COPA: variants seen among roughly 807,000 people sequenced by gnomAD.
COPA encodes the protein coatomer subunit alpha.
In COPA, 10 loss-of-function variants were observed where a neutral mutation model predicts 158.7. The ratio of observed to expected loss-of-function variants is 0.06; its 90% CI spans 0.04 to 0.11. COPA has a LOEUF of 0.11. COPA is among the 10% of genes least tolerant of loss of function. COPA has a pLI of 1.00. For synonymous variants in COPA, 462 were observed against 542.8 expected, an observed-to-expected ratio of 0.85 and a Z score of 2.07; for missense variants, 1,065 against 1,536.7, an observed-to-expected ratio of 0.69 and a Z score of 5.13.
rs765795396 is a variant in COPA at position 160,294,476 on chromosome 1, C to G, written c.2676+8G>C. On this transcript the variant is annotated splice_region_variant and intron_variant, in intron 25 of 32. Transcript: ENST00000241704. ...AGAGAACCTTCTAAGGGTACAAATTCCACATACCAGCTCAGGAGGGAGCTC... is the reference window on the plus strand; with the variant it reads ...AGAGAACCTTCTAAGGGTACAAATTGCACATACCAGCTCAGGAGGGAGCTC... 6.2e-7 allele frequency: 1 copy of G among 1,612,704 alleles called. No homozygotes were observed. Among genetic ancestry groups the G allele is most frequent in the Non-Finnish European group, 8.5e-7 (1 of 1,178,872 alleles).
chr1:160,303,095 C>A (rs546220857), intron 17 of COPA, among the ~76,000 whole-genome samples: 140 of 152,054 alleles, frequency 9.2e-4, no homozygotes, highest in African/African-American at 3.3e-3. Flanking sequence ...ATCACTTGAA[C>A]CTGGGAGACA....
intron 6 of COPA, among the ~76,000 whole-genome samples, chr1:160,326,834 C>A (rs1557873000): frequency 6.6e-6 from 1 of 152,256 alleles, no homozygotes; most frequent in East Asian, 1.9e-4. Context: ...GCTAGTTTTA[C>A]TGGGAGGAAT....
chr1:160,340,305 T>A lies in COPA; in HGVS notation c.41-11A>T, dbSNP rs530698139. ...GGTGAAAGCTGAGCCCTGAAAAAAA[T>A]AGAAAATGATACAATGAGCTAACTA... On this transcript the variant is annotated splice_polypyrimidine_tract_variant and intron_variant, in intron 1 of 32. Coordinates refer to ENST00000241704, the MANE Select transcript of COPA (RefSeq NM_004371.4). 2 of 1,559,578 alleles carry A rather than the reference T, an allele frequency of 1.3e-6. No homozygotes were observed. Among genetic ancestry groups the A allele is most frequent in the Non-Finnish European group, 1.8e-6 (2 of 1,133,074 alleles).
chr1:160,299,046 A>G, intron 18 of COPA, 55 bp from the exon 19 acceptor site: 1 of 1,573,060 alleles, frequency 6.4e-7, no homozygotes, highest in Non-Finnish European at 8.7e-7. Context: ...CAGGAAAAGA[A>G]AAAAAAAAAG....
chr1:160,299,463 T>C (rs1401559488), intron 17 of COPA, among the ~76,000 whole-genome samples, 199 bp from the exon 18 acceptor site: 1 of 152,214 alleles, frequency 6.6e-6, no homozygotes, highest in Non-Finnish European at 1.5e-5. Flanking sequence ...ACGATCTTTA[T>C]ATGCTATTAT....
chr1:160,304,703 A>G (rs1313210042), intron 17 of COPA, among the ~76,000 whole-genome samples: 3 of 152,180 alleles, frequency 2.0e-5, no homozygotes, highest in Non-Finnish European at 2.9e-5. Context: ...ATGTGAAGAT[A>G]TGCATAATCC....
At chr1:160,339,715 TC>T in intron 3 of COPA, 193 bp downstream of exon 3, 1 of 508,384 alleles carries the variant, frequency 2.0e-6, no homozygotes, top group East Asian at 3.1e-5. Flanking sequence ...ATTTTTGAAT[TC>T]CCTAAAAAGA....
At chr1:160,316,386 A>T (rs1378830535) in intron 8 of COPA, among the ~76,000 whole-genome samples, 1 of 151,796 alleles carries the variant, frequency 6.6e-6, no homozygotes, top group Non-Finnish European at 1.5e-5. Context: ...AGGAAAAAAT[A>T]AAAAGAATGA....
chr1:160,291,570 A>G (rs759555238), intron 30 of COPA, 74 bp from the exon 31 acceptor site: 21 of 1,531,796 alleles, frequency 1.4e-5, no homozygotes, highest in East Asian at 2.3e-5. Context: ...GCTGCTACAC[A>G]TGCATAAAAA....
chr1:160,309,383 CT>C (rs1162519631), intron 12 of COPA, among the ~76,000 whole-genome samples: 3 of 152,090 alleles, frequency 2.0e-5, no homozygotes, highest in African/African-American at 7.2e-5. Context: ...ACTGATGTCA[CT>C]TTATTTTCTT....
rs1045235906 is a variant in COPA, at chr1:160,289,122, A to G, written c.*1035T>C. ...GTAGCTGGGATTACAGGCACCCACC[A>G]CCATGCCCGGCTAGCTTTTTTTTTT... On this transcript the variant is annotated 3_prime_UTR_variant, in exon 33 of 33. Coordinates refer to ENST00000241704, the MANE Select transcript of COPA (RefSeq NM_004371.4). Among the ~76,000 whole-genome samples, 1 of 146,980 alleles carries G rather than the reference A, an allele frequency of 6.8e-6. No homozygotes were observed. Among genetic ancestry groups the G allele is most frequent in the South Asian group, 2.1e-4 (1 of 4,732 alleles).
chr1:160,291,769 G>T, intron 30 of COPA, 50 bp downstream of exon 30: 3 of 1,560,610 alleles, frequency 1.9e-6, no homozygotes, highest in South Asian at 1.1e-5. Flanking sequence ...ACCTAGTGAA[G>T]GGTGAAGGGA....
chr1:160,301,764 T>C (rs73027691), intron 17 of COPA, among the ~76,000 whole-genome samples: 11,850 of 152,080 alleles, frequency 0.078, 605 homozygotes, highest in African/African-American at 0.14. Context: ...TGAGACTCTC[T>C]GCCAAAAATA....
intron 9 of COPA, among the ~76,000 whole-genome samples, chr1:160,313,490 C>T (rs1342210333): frequency 6.6e-6 from 1 of 151,920 alleles, no homozygotes; most frequent in Non-Finnish European, 1.5e-5. Context: ...TCTCGGCTCA[C>T]TGCAAGCTCC....
At chr1:160,341,475 T>C (rs865870356) in intron 1 of COPA, among the ~76,000 whole-genome samples, 4 of 152,244 alleles carry the variant, frequency 2.6e-5, no homozygotes, top group African/African-American at 9.6e-5. Context: ...CTTCTACACA[T>C]AATCTAGCCT....
chr1:160,335,479 G>A (rs1363160953), intron 3 of COPA, among the ~76,000 whole-genome samples, 157 bp from the exon 4 acceptor site: 1 of 152,108 alleles, frequency 6.6e-6, no homozygotes, highest in Non-Finnish European at 1.5e-5. Context: ...AGGAACCTTG[G>A]TAGAAAGCCT....
At position 160,306,346 on chromosome 1, in the gene COPA, T is replaced by A. The variant is rs754430732; in HGVS notation, c.1442+8A>T. The A allele has an allele frequency of 4.4e-5, 70 of 1,589,740 alleles. No homozygotes were observed. Among genetic ancestry groups the A allele is most frequent in the Admixed American group, 1.1e-4 (6 of 57,096 alleles). ...GGGCTGTCTGCTTAGGGGCACCTGA[T>A]ATGTTACCGCTTCTGCTGTACGTCA... On this transcript the variant is annotated splice_region_variant and intron_variant, in intron 15 of 32. Transcript: ENST00000241704.
intron 5 of COPA, 116 bp downstream of exon 5, chr1:160,333,487 A>C: frequency 1.5e-6 from 1 of 660,210 alleles, no homozygotes; most frequent in Non-Finnish European, 2.5e-6. Context: ...TACAATCAGT[A>C]ATTAATCAGC....
rs758277547 is a variant in COPA, at chr1:160,292,205, A to G, written c.2961-7T>C. On this transcript the variant is annotated splice_polypyrimidine_tract_variant and splice_region_variant and intron_variant, in intron 28 of 32. Coordinates refer to ENST00000241704, the MANE Select transcript of COPA (RefSeq NM_004371.4). ...CTTCAGCCCTGCATCCTTCCTGGAA[A>G]GGGAAAAGTAGGAAGAAGACAGGAT... The G allele has an allele frequency of 6.2e-5, 100 of 1,607,814 alleles. No individual in the cohort carries two copies. Among genetic ancestry groups the G allele is most frequent in the Non-Finnish European group, 8.4e-5 (99 of 1,176,542 alleles).
Sources: allele counts gnomAD v4.1 joint callset (sites outside exome capture counted in the v4.1 genomes callset), GRCh38; gene constraint gnomAD v4.1.1; transcripts MANE v1.5; gene names NCBI Gene and HGNC (gene_info 2026-07-23, HGNC 2026-07-21).